NAALADL2: variants seen among roughly 807,000 people sequenced by gnomAD.
The protein encoded by NAALADL2 is inactive N-acetylated-alpha-linked acidic dipeptidase-like protein 2.
In NAALADL2, 76 loss-of-function variants were observed where a neutral mutation model predicts 87.2. The observed-to-expected ratio is 0.87, with a 90% CI of 0.72 to 1.05. The LOEUF (loss-of-function observed/expected upper bound fraction) is 1.05, where lower values mean the gene tolerates loss of function less well. Ranked by LOEUF, NAALADL2 falls within the 50% of genes least tolerant of loss-of-function variation. The probability of loss-of-function intolerance (pLI) is 0.00; values close to 1 mark genes in which losing one functional copy is unlikely to be tolerated. For synonymous variants in NAALADL2, 354 were observed against 331.0 expected (o/e 1.07, Z -0.75); for missense variants, 1,089 against 945.8 (o/e 1.15, Z -1.99).
At chr3:175,331,969 C>T (rs77279941) in intron 5 of NAALADL2, among the ~76,000 whole-genome samples, 11,515 of 152,056 alleles carry the variant, frequency 0.076, 1,348 homozygotes, top group African/African-American at 0.25. Context: ...AAATAAAAAA[C>T]GCAATCCCAT....
chr3:175,127,842 G>A (rs12638459), intron 2 of NAALADL2, among the ~76,000 whole-genome samples: 11,601 of 152,068 alleles, frequency 0.076, 550 homozygotes, highest in Non-Finnish European at 0.1. Flanking sequence ...AACATAGCAA[G>A]ACCCTGTCTC....
chr3:175,013,187 A>AATATGTAAAATATATTTAT (rs1553916796), intron 1 of NAALADL2, among the ~76,000 whole-genome samples: 1 of 94,028 alleles, frequency 1.1e-5, no homozygotes, highest in African/African-American at 6.3e-5. Context: ...TTTATATATA[A>AATATGTAAAATATATTTAT]ATATATATAC....
chr3:175,436,538 C>T (rs1403091101), intron 5 of NAALADL2, among the ~76,000 whole-genome samples: 4 of 146,354 alleles, frequency 2.7e-5, no homozygotes, highest in Non-Finnish European at 5.9e-5. Context: ...TTAATGATTG[C>T]CATTCTAACT....
At chr3:175,498,652 C>A (rs6773403) in intron 9 of NAALADL2, among the ~76,000 whole-genome samples, 55,828 of 151,822 alleles carry the variant, frequency 0.37, 12,438 homozygotes, top group African/African-American at 0.63. Context: ...ATGAACAGAT[C>A]TACTTAAGAG....
At chr3:175,768,090 T>C (rs1346922647) in intron 13 of NAALADL2, among the ~76,000 whole-genome samples, 3 of 152,130 alleles carry the variant, frequency 2.0e-5, no homozygotes, top group African/African-American at 7.2e-5. Context: ...TGGGGTTTTA[T>C]TGGGGTTTTG....
intron 2 of NAALADL2, among the ~76,000 whole-genome samples, chr3:174,568,035 G>A (rs929518991): frequency 6.6e-6 from 1 of 151,698 alleles, no homozygotes; most frequent in Admixed American, 6.6e-5. Flanking sequence ...TAAAACAGTA[G>A]AATTATGATG....
rs181241064 is a variant in NAALADL2 at position 174,532,995 on chromosome 3, C to T, written c.-183-17574C>T. Among the ~76,000 whole-genome samples, 111 of 151,700 alleles carry T rather than the reference C, an allele frequency of 7.3e-4. 1 individual carries two copies. The highest frequency in any genetic ancestry group is 2.6e-3 in the African/African-American group (106 of 41,318). On this transcript the variant is annotated intron_variant, in intron 1 of 3. Transcript: ENST00000434257. ...GGCATGCCACAGTACCAGGTATAATCAGTACCAGCTCACATTCCTTTCCTT... is the reference window on the plus strand; with the variant it reads ...GGCATGCCACAGTACCAGGTATAATTAGTACCAGCTCACATTCCTTTCCTT...
intron 3 of NAALADL2, among the ~76,000 whole-genome samples, chr3:174,752,749 G>C (rs1689917953): frequency 2.0e-5 from 3 of 152,136 alleles, no homozygotes; most frequent in Middle Eastern, 3.4e-3. Context: ...AAATACTTGA[G>C]AATAGTAATT....
At chr3:175,526,309 T>C (rs1004428882) in intron 9 of NAALADL2, among the ~76,000 whole-genome samples, 1 of 152,224 alleles carries the variant, frequency 6.6e-6, no homozygotes, top group African/African-American at 2.4e-5. Context: ...GGTGCATGTA[T>C]AGATGTTAGC....
At chr3:175,563,061 A>G in intron 9 of NAALADL2, among the ~76,000 whole-genome samples, 1 of 151,976 alleles carries the variant, frequency 6.6e-6, no homozygotes, top group East Asian at 1.9e-4. Flanking sequence ...GTGCTTTTAT[A>G]TTTTGTATAA....
intron 12 of NAALADL2, among the ~76,000 whole-genome samples, chr3:175,747,037 G>A (rs1224629299): frequency 1.3e-5 from 2 of 152,126 alleles, no homozygotes; most frequent in East Asian, 1.9e-4. Context: ...TACTGAATTG[G>A]TAATCCACAC....
At chr3:174,758,434 T>G (rs970889817) in intron 3 of NAALADL2, among the ~76,000 whole-genome samples, 1 of 152,172 alleles carries the variant, frequency 6.6e-6, no homozygotes, top group Admixed American at 6.5e-5. Context: ...CTTTCGTCCC[T>G]TAAATGTCAT....
At chr3:175,475,024 T>TACACACAC (rs3040495) in intron 9 of NAALADL2, among the ~76,000 whole-genome samples, 6,668 of 149,688 alleles carry the variant, frequency 0.045, 215 homozygotes, top group East Asian at 0.13. Context: ...AACATTTAAG[T>TACACACAC]ACACACACAC....
chr3:174,898,459 T>A (rs866759954), intron 1 of NAALADL2, among the ~76,000 whole-genome samples: 1 of 151,938 alleles, frequency 6.6e-6, no homozygotes, highest in African/African-American at 2.4e-5. Context: ...GTGACTATAG[T>A]CAATAATAAC....
chr3:174,666,177 C>A (rs115078765), intron 2 of NAALADL2, among the ~76,000 whole-genome samples: 4 of 152,058 alleles, frequency 2.6e-5, no homozygotes, highest in Non-Finnish European at 4.4e-5. Flanking sequence ...ACCATAGAAG[C>A]ATAAAATAGC....
chr3:174,863,790 A>C (rs940822736), intron 1 of NAALADL2: 1 of 257,456 alleles, frequency 3.9e-6, no homozygotes, highest in African/African-American at 2.3e-5. Context: ...AGGACTAACC[A>C]GTATGTGACT....
intron 13 of NAALADL2, among the ~76,000 whole-genome samples, chr3:175,784,206 T>C (rs1751572105): frequency 6.7e-6 from 1 of 149,224 alleles, no homozygotes; most frequent in Non-Finnish European, 1.5e-5. Context: ...ATCAGAATGA[T>C]GCTGGCCTCA....
At chr3:175,697,437 C>A (rs1737978869) in intron 11 of NAALADL2, among the ~76,000 whole-genome samples, 1 of 126,500 alleles carries the variant, frequency 7.9e-6, no homozygotes, top group Admixed American at 7.5e-5. Flanking sequence ...ACACACAAAA[C>A]CCTACTTATG....
In NAALADL2 at chr3:175,302,396, G is replaced by A. The variant is rs1242822818; in HGVS notation, c.940-21779G>A. On this transcript the variant is annotated intron_variant, in intron 4 of 13. Transcript: ENST00000454872. Reference sequence around the variant, plus strand: ...GATGATAGTCCAGTTGGGGCTTAAGGGATTTTACAATAATAATTATGATTC... The same window carrying A: ...GATGATAGTCCAGTTGGGGCTTAAGAGATTTTACAATAATAATTATGATTC... 3.9e-5 allele frequency among the ~76,000 whole-genome samples: 6 copies of A among 152,030 alleles called. No individual in the cohort carries two copies. The East Asian group carries it at 9.6e-4, about 24-fold the overall frequency.
Sources: gnomAD v4.1 joint callset for allele counts (sites outside exome capture counted in the v4.1 genomes callset) on GRCh38, gnomAD v4.1.1 for gene constraint, MANE v1.5 for transcripts, NCBI Gene and HGNC (gene_info 2026-07-23, HGNC 2026-07-21) for gene names.